The following ZBTB7C variants were observed in gnomAD, a reference collection of about 807,000 sequenced individuals.
ZBTB7C encodes the protein zinc finger and BTB domain containing 7C.
Under a neutral mutation model 25.7 loss-of-function variants are expected in ZBTB7C, and 8 were observed. The ratio of observed to expected loss-of-function variants is 0.31; its 90% CI spans 0.18 to 0.56. ZBTB7C has a LOEUF of 0.56. Ranked by LOEUF, ZBTB7C falls within the 20% of genes least tolerant of loss-of-function variation. ZBTB7C has a pLI of 0.91. For missense variants in ZBTB7C, 824 were observed against 855.2 expected (o/e 0.96, Z 0.46); for synonymous variants, 394 against 369.0 (o/e 1.07, Z -0.78).
At chr18:48,380,445 G>A (rs374982000) in intron 1 of ZBTB7C, among the ~76,000 whole-genome samples, 17 of 152,266 alleles carry the variant, frequency 1.1e-4, no homozygotes, top group Middle Eastern at 6.8e-3. Context: ...TGGATTAGTC[G>A]GAGACATCGG....
rs201759356 is a variant in ZBTB7C, at chr18:48,309,977, C to A, written c.-79+28197G>T. 6.6e-4 allele frequency among the ~76,000 whole-genome samples: 100 copies of A among 152,258 alleles called. 1 individual carries two copies. In the East Asian group the frequency reaches 0.019, roughly 29 times the overall value. On this transcript the variant is annotated intron_variant, in intron 2 of 4. Coordinates refer to ENST00000590800, the MANE Select transcript of ZBTB7C (RefSeq NM_001318841.2). ...AGGTGCGGTGGCTCAGGCCTGTAATCCCAGCACTTTGGGAGGCTGAGGCAG... is the reference window on the plus strand; with the variant it reads ...AGGTGCGGTGGCTCAGGCCTGTAATACCAGCACTTTGGGAGGCTGAGGCAG...
chr18:48,226,478 G>A lies in ZBTB7C; in HGVS notation c.-78-40483C>T, dbSNP rs73433342. Among the ~76,000 whole-genome samples, 852 of 152,338 alleles carry A rather than the reference G, an allele frequency of 5.6e-3. 6 individuals are homozygous for A. The highest frequency in any genetic ancestry group is 0.019 in the African/African-American group (773 of 41,578). On this transcript the variant is annotated intron_variant, in intron 2 of 4. Coordinates refer to ENST00000590800, the MANE Select transcript of ZBTB7C (RefSeq NM_001318841.2). ...AAACAATGGTAGGGCTGGAAGGAAT[G>A]GACTGTAGAGGTATTTAAGGCTAAT...
chr18:48,044,887 T>C (rs1484100308), intron 3 of ZBTB7C, among the ~76,000 whole-genome samples: 1 of 152,224 alleles, frequency 6.6e-6, no homozygotes, highest in East Asian at 1.9e-4. Flanking sequence ...TTACCATCGT[T>C]CCCATTTTAC....
chr18:48,308,679 T>A (rs1334973170), intron 2 of ZBTB7C, among the ~76,000 whole-genome samples: 1 of 152,278 alleles, frequency 6.6e-6, no homozygotes, highest in Non-Finnish European at 1.5e-5. Flanking sequence ...TCTGTACTTG[T>A]GTCACAGACT....
intron 1 of ZBTB7C, among the ~76,000 whole-genome samples, chr18:48,385,816 C>T (rs955204194): frequency 6.6e-6 from 1 of 152,212 alleles, no homozygotes; most frequent in Non-Finnish European, 1.5e-5. Flanking sequence ...CCAGCCCACA[C>T]GACGTGCTGC....
At chr18:48,136,965 C>T in intron 3 of ZBTB7C, 5 of 984,820 alleles carry the variant, frequency 5.1e-6, no homozygotes, top group Non-Finnish European at 6.0e-6. Flanking sequence ...CCCAGAGCCC[C>T]GATCCTAGCC....
At chr18:48,386,319 A>C (rs2047746313) in intron 1 of ZBTB7C, among the ~76,000 whole-genome samples, 1 of 152,258 alleles carries the variant, frequency 6.6e-6, no homozygotes, top group Admixed American at 6.5e-5. Context: ...AGAAGAGCAG[A>C]GGGCAAATGC....
chr18:48,041,964 T>TATCA (rs753233729), intron 3 of ZBTB7C, among the ~76,000 whole-genome samples: 1 of 152,188 alleles, frequency 6.6e-6, no homozygotes, highest in Non-Finnish European at 1.5e-5. Context: ...TGAGACACCT[T>TATCA]ATCATTGTAT....
intron 3 of ZBTB7C, among the ~76,000 whole-genome samples, chr18:48,049,229 T>C (rs2036590443): frequency 6.6e-6 from 1 of 152,228 alleles, no homozygotes; most frequent in Admixed American, 6.5e-5. Context: ...TGTTCTAGTC[T>C]TAGTTTTACT....
At chr18:48,204,238 C>A (rs777970189) in intron 2 of ZBTB7C, among the ~76,000 whole-genome samples, 1 of 152,206 alleles carries the variant, frequency 6.6e-6, no homozygotes. Context: ...CTGGGAGGAG[C>A]TGGCCTCCTC....
intron 1 of ZBTB7C, among the ~76,000 whole-genome samples, chr18:48,348,570 A>G (rs531743231): frequency 4.6e-5 from 7 of 152,314 alleles, no homozygotes; most frequent in African/African-American, 1.7e-4. Context: ...TAATCCCAGC[A>G]CTTTGGGAGG....
chr18:48,388,315 AT>A (rs138959140), intron 1 of ZBTB7C, among the ~76,000 whole-genome samples: 2 of 149,804 alleles, frequency 1.3e-5, no homozygotes, highest in East Asian at 2.0e-4. Context: ...TCTATCTTGC[AT>A]TTTTTTTTCA....
intron 1 of ZBTB7C, among the ~76,000 whole-genome samples, chr18:48,380,453 C>A (rs536676035): frequency 2.2e-4 from 34 of 152,086 alleles, no homozygotes; most frequent in Non-Finnish European, 3.8e-4. Context: ...TCGGAGACAT[C>A]GGTATGAACT....
At chr18:48,065,273 T>C (rs2037283244) in intron 3 of ZBTB7C, among the ~76,000 whole-genome samples, 1 of 152,158 alleles carries the variant, frequency 6.6e-6, no homozygotes, top group Non-Finnish European at 1.5e-5. Context: ...GTGACATAAA[T>C]GTTGGGCATA....
At chr18:48,388,819 T>C (rs1185914326) in intron 1 of ZBTB7C, among the ~76,000 whole-genome samples, 1 of 152,206 alleles carries the variant, frequency 6.6e-6, no homozygotes, top group Non-Finnish European at 1.5e-5. Flanking sequence ...AAGAGAGATA[T>C]TTGCACAGAT....
At chr18:48,310,282 CTGT>C (rs1255150984) in intron 2 of ZBTB7C, among the ~76,000 whole-genome samples, 1 of 151,800 alleles carries the variant, frequency 6.6e-6, no homozygotes, top group Admixed American at 6.6e-5. Context: ...TTAAAAATCA[CTGT>C]TGTTATTATT....
intron 3 of ZBTB7C, among the ~76,000 whole-genome samples, chr18:48,117,460 G>A (rs554683008): frequency 7.9e-5 from 12 of 152,204 alleles, no homozygotes; most frequent in African/African-American, 2.9e-4. Flanking sequence ...GGGTGTCAGA[G>A]AGAGACCACG....
At chr18:48,167,597 T>TGTGTGTGTGTGTGTGTGTGTGTGCGC (rs779870966) in intron 3 of ZBTB7C, among the ~76,000 whole-genome samples, 1 of 148,044 alleles carries the variant, frequency 6.8e-6, no homozygotes, top group Non-Finnish European at 1.5e-5. Context: ...TGTGTGTGTG[T>TGTGTGTGTGTGTGTGTGTGTGTGCGC]GCGCGCGTGC....
chr18:48,390,996 G>A (rs971653225), intron 1 of ZBTB7C, among the ~76,000 whole-genome samples: 6 of 152,218 alleles, frequency 3.9e-5, no homozygotes, highest in African/African-American at 1.4e-4. Flanking sequence ...TGAGCTGGCT[G>A]CAGCAGACCT....
Sources: allele counts gnomAD v4.1 joint callset (sites outside exome capture counted in the v4.1 genomes callset), GRCh38; gene constraint gnomAD v4.1.1; transcripts MANE v1.5; gene names NCBI Gene and HGNC (gene_info 2026-07-23, HGNC 2026-07-21).